GALNT9: variants seen among roughly 807,000 people sequenced by gnomAD.
GALNT9 encodes the protein polypeptide N-acetylgalactosaminyltransferase 9.
In GALNT9, 47 loss-of-function variants were observed where a neutral mutation model predicts 63.1. The observed-to-expected ratio is 0.75, with a 90% confidence interval of 0.59 to 0.95. The LOEUF is 0.95. Ranked by LOEUF, GALNT9 falls within the 40% of genes least tolerant of loss-of-function variation. The pLI is 0.00. For missense variants in GALNT9, 829 were observed against 874.8 expected, an observed-to-expected ratio of 0.95 and a Z score of 0.66; for synonymous variants, 396 against 365.7, an observed-to-expected ratio of 1.08 and a Z score of -0.94.
At chr12:132,207,569 G>T (rs1368000911) in intron 6 of GALNT9, among the ~76,000 whole-genome samples, 2 of 152,176 alleles carry the variant, frequency 1.3e-5, no homozygotes, top group Non-Finnish European at 2.9e-5. Context: ...GCAGCCTCAG[G>T]TCTCTCGGCC....
chr12:132,238,415 A>G lies in GALNT9; in HGVS notation c.1077+9495T>C, dbSNP rs1878084759. Among the ~76,000 whole-genome samples the G allele has an allele frequency of 6.6e-6, 1 of 152,074 alleles. No individual in the cohort carries two copies. The highest frequency in any genetic ancestry group is 2.4e-5 in the African/African-American group (1 of 41,400). On this transcript the variant is annotated intron_variant, in intron 6 of 10. Coordinates refer to ENST00000328957, the MANE Select transcript of GALNT9 (RefSeq NM_001122636.2). This position sits in a 1 kb window ranked among gnomAD's most constrained non-coding sequence, Gnocchi z 6.5. Reference sequence around the variant, plus strand: ...CATAACCCTACTACGGCTTCCTGTAAGGGGGAGTGGAGGCCGGGGCAGCAG... The same window carrying G: ...CATAACCCTACTACGGCTTCCTGTAGGGGGGAGTGGAGGCCGGGGCAGCAG...
intron 6 of GALNT9, among the ~76,000 whole-genome samples, chr12:132,208,591 T>C (rs1445297203): frequency 2.0e-5 from 3 of 152,166 alleles, no homozygotes; most frequent in Admixed American, 6.5e-5. Context: ...TGAGAGACCA[T>C]GTGGAGCAGA....
rs942224032 is a variant in GALNT9 at position 132,327,413 on chromosome 12, G to C, written c.238+1553C>G. 6.6e-6 allele frequency among the ~76,000 whole-genome samples: 1 copy of C among 151,910 alleles called. No homozygotes were observed. Among genetic ancestry groups the C allele is most frequent in the Non-Finnish European group, 1.5e-5 (1 of 67,968 alleles). Reference sequence around the variant, plus strand: ...TCCCAGCCGATTCTCACCTTGAAGGGTGAGGCAGGGAAAACGACTCACAGG... The same window carrying C: ...TCCCAGCCGATTCTCACCTTGAAGGCTGAGGCAGGGAAAACGACTCACAGG... On this transcript the variant is annotated intron_variant, in intron 1 of 10. Coordinates refer to ENST00000328957, the MANE Select transcript of GALNT9 (RefSeq NM_001122636.2). This position sits in a 1 kb window ranked among gnomAD's most constrained non-coding sequence, Gnocchi z 4.3.
intron 5 of GALNT9, among the ~76,000 whole-genome samples, chr12:132,254,915 G>A (rs918051603): frequency 6.6e-5 from 10 of 152,192 alleles, no homozygotes; most frequent in Admixed American, 2.0e-4. Flanking sequence ...TGCTCTGTCC[G>A]AGGGAGCAGC....
intron 6 of GALNT9, among the ~76,000 whole-genome samples, chr12:132,211,526 C>T (rs147338568): frequency 4.6e-5 from 7 of 152,264 alleles, no homozygotes; most frequent in African/African-American, 9.6e-5. Flanking sequence ...AGCTGCCTTT[C>T]GCGCTGGCCA....
In GALNT9 at chr12:132,291,541, C is replaced by T. The variant is rs558379836; in HGVS notation, c.239-5111G>A. Among the ~76,000 whole-genome samples, 490 of 136,028 alleles carry T rather than the reference C, an allele frequency of 3.6e-3. 22 individuals carry two copies. Among genetic ancestry groups the T allele is most frequent in the African/African-American group, 0.014 (457 of 33,810 alleles). 89.2% of individuals were successfully genotyped at this position (136,028 alleles called of 152,430 possible). A position where few individuals can be genotyped will look rare whatever the true frequency, so the allele number is the denominator to read the frequency against. On this transcript the variant is annotated intron_variant, in intron 1 of 10. Transcript: ENST00000328957. ...CACATCCACAGCACCCACGTCCACA[C>T]CACCGACATCCACAGCACCCACAAC...
At chr12:132,328,369 C>G (rs1219201798) in intron 1 of GALNT9, among the ~76,000 whole-genome samples, 1 of 152,170 alleles carries the variant, frequency 6.6e-6, no homozygotes, top group East Asian at 1.9e-4. Context: ...CTCCATCCTC[C>G]CAGGAGTCTC....
chr12:132,316,156 C>T lies in GALNT9; in HGVS notation c.238+12810G>A, dbSNP rs1223428668. Among the ~76,000 whole-genome samples, 3 of 152,086 alleles carry T rather than the reference C, an allele frequency of 2.0e-5. No individual in the cohort carries two copies. The highest frequency in any genetic ancestry group is 7.2e-5 in the African/African-American group (3 of 41,426). On this transcript the variant is annotated intron_variant, in intron 1 of 10. Coordinates refer to ENST00000328957, the MANE Select transcript of GALNT9 (RefSeq NM_001122636.2). This position sits in a 1 kb window ranked among gnomAD's most constrained non-coding sequence, Gnocchi z 4.3. Reference sequence around the variant, plus strand: ...CAGGAGCTGGCCGCGGGCTGGGAGGCGACCCCACAGACCCCAGCGTCCCAG... The same window carrying T: ...CAGGAGCTGGCCGCGGGCTGGGAGGTGACCCCACAGACCCCAGCGTCCCAG...
chr12:132,252,261 C>T lies in GALNT9; in HGVS notation c.960-4234G>A, dbSNP rs919916080. Among the ~76,000 whole-genome samples the T allele has an allele frequency of 3.3e-5, 5 of 152,182 alleles. No individual in the cohort carries two copies. Among genetic ancestry groups the T allele is most frequent in the Non-Finnish European group, 4.4e-5 (3 of 68,026 alleles). On this transcript the variant is annotated intron_variant, in intron 5 of 10. Coordinates refer to ENST00000328957, the MANE Select transcript of GALNT9 (RefSeq NM_001122636.2). The surrounding 1 kb of genome is among the most constrained non-coding windows in gnomAD (Gnocchi z 5.2). ...AAGATGAGCCACAGGCGGCTGTGAACGCAGGAAGGGCAGAGAGTCCCAGGC... is the reference window on the plus strand; with the variant it reads ...AAGATGAGCCACAGGCGGCTGTGAATGCAGGAAGGGCAGAGAGTCCCAGGC...
intron 6 of GALNT9, among the ~76,000 whole-genome samples, chr12:132,229,120 G>A (rs1016252127): frequency 5.9e-5 from 9 of 152,164 alleles, no homozygotes; most frequent in East Asian, 1.9e-4. Context: ...GTCTCAGGGC[G>A]GCAGAGCCTT....
chr12:132,320,093 G>A (rs1555246006), intron 1 of GALNT9, among the ~76,000 whole-genome samples: 2 of 152,260 alleles, frequency 1.3e-5, no homozygotes, highest in African/African-American at 4.8e-5. Context: ...TAACAGGGCT[G>A]GCGAGCCTCA....
At chr12:132,208,856 C>T (rs1236888023) in intron 6 of GALNT9, among the ~76,000 whole-genome samples, 1 of 152,256 alleles carries the variant, frequency 6.6e-6, no homozygotes, top group Non-Finnish European at 1.5e-5. Context: ...AAGACCCTCA[C>T]TCCTGTGGCT....
Position 132,236,268 on chromosome 12 carries a change from C to A in GALNT9, c.1077+11642G>T, listed in dbSNP as rs774611998. Among the ~76,000 whole-genome samples, 1 of 151,776 alleles carries A rather than the reference C, an allele frequency of 6.6e-6. No homozygotes were observed. Among genetic ancestry groups the A allele is most frequent in the East Asian group, 1.9e-4 (1 of 5,154 alleles). On this transcript the variant is annotated intron_variant, in intron 6 of 10. Transcript: ENST00000328957. The surrounding 1 kb of genome is among the most constrained non-coding windows in gnomAD (Gnocchi z 5.6). Reference sequence around the variant, plus strand: ...AATGACAGCCCCGACAGGCGGCTGGCGGGGAGCGGGTGGGGGCCATGGCCC... The same window carrying A: ...AATGACAGCCCCGACAGGCGGCTGGAGGGGAGCGGGTGGGGGCCATGGCCC...
chr12:132,251,657 C>T (rs967833545), intron 5 of GALNT9, among the ~76,000 whole-genome samples: 2 of 152,308 alleles, frequency 1.3e-5, no homozygotes, highest in Non-Finnish European at 2.9e-5. Context: ...GTCTCCTCCC[C>T]GCAGGCCCAG....
intron 9 of GALNT9, among the ~76,000 whole-genome samples, chr12:132,198,946 C>G (rs142878895): frequency 6.6e-6 from 1 of 152,154 alleles, no homozygotes; most frequent in Non-Finnish European, 1.5e-5. Context: ...CCACTGCACC[C>G]GGCCCAGGCT....
intron 6 of GALNT9, among the ~76,000 whole-genome samples, chr12:132,213,218 C>T (rs1877035435): frequency 4.3e-5 from 2 of 46,620 alleles, no homozygotes; most frequent in Admixed American, 3.9e-4. Context: ...AAACCCCACC[C>T]GGTTCTGCAG....
intron 6 of GALNT9, among the ~76,000 whole-genome samples, chr12:132,230,890 T>A (rs1877865250): frequency 6.6e-6 from 1 of 152,236 alleles, no homozygotes; most frequent in Admixed American, 6.5e-5. Flanking sequence ...CCAACCTCCA[T>A]TCGGGACGTC....
intron 1 of GALNT9, among the ~76,000 whole-genome samples, chr12:132,302,661 C>T (rs1182862574): frequency 6.6e-6 from 1 of 152,206 alleles, no homozygotes; most frequent in Non-Finnish European, 1.5e-5. Context: ...CAGGTGCCAG[C>T]CCAGGGCAGC....
chr12:132,287,978 G>C (rs1476058929), intron 1 of GALNT9, among the ~76,000 whole-genome samples: 1 of 152,210 alleles, frequency 6.6e-6, no homozygotes, highest in Non-Finnish European at 1.5e-5. Context: ...CCTGAGGCTG[G>C]GCTGCCTTTT....
Sources: allele counts gnomAD v4.1 joint callset (sites outside exome capture counted in the v4.1 genomes callset), GRCh38; gene constraint gnomAD v4.1.1; non-coding constraint Gnocchi (gnomAD v3.1); transcripts MANE v1.5; gene names NCBI Gene and HGNC (gene_info 2026-07-23, HGNC 2026-07-21).